SPSB1: variants seen among roughly 807,000 people sequenced by gnomAD.
The protein encoded by SPSB1 is splA/ryanodine receptor domain and SOCS box containing 1.
A neutral mutation model predicts 21.2 loss-of-function variants in SPSB1; 8 were observed. That is an observed-to-expected ratio of 0.38 (90% CI 0.22 to 0.68). SPSB1 has a LOEUF of 0.68. Ranked by LOEUF, SPSB1 falls within the 30% of genes least tolerant of loss-of-function variation. The probability of loss-of-function intolerance (pLI) is 0.53; values close to 1 mark genes in which losing one functional copy is unlikely to be tolerated. For missense variants in SPSB1, 242 were observed against 377.8 expected, an observed-to-expected ratio of 0.64 and a Z score of 2.98; for synonymous variants, 169 against 161.7, an observed-to-expected ratio of 1.05 and a Z score of -0.34.
intron 1 of SPSB1, among the ~76,000 whole-genome samples, chr1:9,327,306 A>C (rs1434699881): frequency 1.3e-5 from 2 of 152,256 alleles, no homozygotes; most frequent in African/African-American, 4.8e-5. Context: ...CTATCGATAC[A>C]GAAGCATGTG....
At chr1:9,311,953 G>A (rs971883315) in intron 1 of SPSB1, among the ~76,000 whole-genome samples, 2 of 152,032 alleles carry the variant, frequency 1.3e-5, no homozygotes, top group Non-Finnish European at 2.9e-5. Context: ...GCTAAGTATT[G>A]AGATACAGGA....
intron 2 of SPSB1, among the ~76,000 whole-genome samples, chr1:9,365,652 A>G (rs1005293781): frequency 3.3e-5 from 5 of 152,210 alleles, no homozygotes; most frequent in African/African-American, 7.2e-5. Context: ...CCATTCTGCC[A>G]TGCCCCACCC....
At chr1:9,318,388 C>A (rs1639648547) in intron 1 of SPSB1, among the ~76,000 whole-genome samples, 1 of 152,222 alleles carries the variant, frequency 6.6e-6, no homozygotes, top group Admixed American at 6.5e-5. Flanking sequence ...TCCAGGCTGC[C>A]TTGCGGACAG....
intron 1 of SPSB1, among the ~76,000 whole-genome samples, chr1:9,298,972 C>T (rs1046797569): frequency 2.0e-5 from 3 of 152,148 alleles, no homozygotes; most frequent in South Asian, 2.1e-4. Flanking sequence ...GTGGGGCTGC[C>T]GAGATTAGCA....
At chr1:9,331,388 T>C (rs1639917829) in intron 1 of SPSB1, among the ~76,000 whole-genome samples, 1 of 134,330 alleles carries the variant, frequency 7.4e-6, no homozygotes, top group Admixed American at 9.4e-5. Context: ...TGGAGTACAG[T>C]GGTACGATCT....
At chr1:9,299,296 A>G (rs1326410343) in intron 1 of SPSB1, among the ~76,000 whole-genome samples, 5 of 152,178 alleles carry the variant, frequency 3.3e-5, no homozygotes, top group South Asian at 4.1e-4. Context: ...CTCCAGCCCT[A>G]TGTCACAGTT....
Position 9,346,574 on chromosome 1 carries a change from G to T in SPSB1, c.-149-9169G>T, listed in dbSNP as rs146487525. 3.2e-3 allele frequency among the ~76,000 whole-genome samples: 494 copies of T among 152,348 alleles called. 4 individuals carry two copies. Among genetic ancestry groups the T allele is most frequent in the African/African-American group, 0.011 (449 of 41,576 alleles). On this transcript the variant is annotated intron_variant, in intron 1 of 2. Coordinates refer to ENST00000328089, the MANE Select transcript of SPSB1 (RefSeq NM_025106.4). The surrounding 1 kb of genome is among the most constrained non-coding windows in gnomAD (Gnocchi z 4.4). ...GAACAATTGATCTGAAAGCATTTTG[G>T]GGGAAGGTGGGGTCTGCAGGGTTGT...
At position 9,349,465 on chromosome 1, in the gene SPSB1, C is replaced by A. The variant is rs112581193; in HGVS notation, c.-149-6278C>A. ...TCCCAGCTGAGCTCAACCAGAGAGGCCAAGGGACGTGGAGCGTGAGAGGCT... is the reference window on the plus strand; with the variant it reads ...TCCCAGCTGAGCTCAACCAGAGAGGACAAGGGACGTGGAGCGTGAGAGGCT... On this transcript the variant is annotated intron_variant, in intron 1 of 2. Transcript: ENST00000328089. Among the ~76,000 whole-genome samples the A allele has an allele frequency of 2.9e-3, 445 of 152,362 alleles. 2 individuals are homozygous for A. The highest frequency in any genetic ancestry group is 0.01 in the African/African-American group (431 of 41,584).
Position 9,355,770 on chromosome 1 carries a change from G to A in SPSB1, c.-122G>A. On this transcript the variant is annotated 5_prime_UTR_variant, in exon 2 of 3. Transcript: ENST00000328089. Reference sequence around the variant, plus strand: ...AATACTGAACACTGCGCAGCTTGCAGAGGTCTCCTGGCAGCCCTCATTAGG... The same window carrying A: ...AATACTGAACACTGCGCAGCTTGCAAAGGTCTCCTGGCAGCCCTCATTAGG... 6.7e-7 allele frequency: 1 copy of A among 1,487,842 alleles called. No homozygotes were observed. The allele number at this position is 1,487,842 out of a possible 1,614,324, so 92.2% of individuals were successfully genotyped here.
intron 1 of SPSB1, among the ~76,000 whole-genome samples, chr1:9,308,560 C>T (rs1032630403): frequency 2.0e-5 from 3 of 152,202 alleles, no homozygotes; most frequent in Non-Finnish European, 2.9e-5. Flanking sequence ...TTTAGGGTGT[C>T]TCAGATCCCA....
chr1:9,325,624 C>A (rs551538560), intron 1 of SPSB1, among the ~76,000 whole-genome samples: 1 of 152,270 alleles, frequency 6.6e-6, no homozygotes, highest in Non-Finnish European at 1.5e-5. Flanking sequence ...CTGTGCCAGC[C>A]CCTGAGGCAC....
At chr1:9,336,927 C>G (rs1452522213) in intron 1 of SPSB1, among the ~76,000 whole-genome samples, 1 of 152,186 alleles carries the variant, frequency 6.6e-6, no homozygotes, top group Non-Finnish European at 1.5e-5. Flanking sequence ...ACCTCCCCTT[C>G]TGGTGCCTGC....
intron 1 of SPSB1, among the ~76,000 whole-genome samples, chr1:9,353,682 G>T (rs908926196): frequency 3.2e-4 from 49 of 152,186 alleles, no homozygotes; most frequent in African/African-American, 1.1e-3. Flanking sequence ...CACTTGGCAG[G>T]CCGAGGTGGG....
At chr1:9,295,120 G>T (rs914642444) in intron 1 of SPSB1, among the ~76,000 whole-genome samples, 2 of 152,144 alleles carry the variant, frequency 1.3e-5, no homozygotes, top group African/African-American at 4.8e-5. Context: ...GGCTGGATTA[G>T]ATCATTTAAA....
intron 1 of SPSB1, among the ~76,000 whole-genome samples, chr1:9,341,589 G>A (rs1335129720): frequency 1.3e-5 from 2 of 152,364 alleles, no homozygotes; most frequent in South Asian, 4.1e-4. Context: ...TTCTGCCGGT[G>A]ACATCTTGTC....
chr1:9,302,029 A>G (rs1420232434), intron 1 of SPSB1, among the ~76,000 whole-genome samples: 2 of 152,232 alleles, frequency 1.3e-5, no homozygotes, highest in Non-Finnish European at 2.9e-5. Context: ...CACTGCTTCC[A>G]GGGAGCTCAC....
chr1:9,335,729 G>C (rs956443967), intron 1 of SPSB1, among the ~76,000 whole-genome samples: 1 of 151,640 alleles, frequency 6.6e-6, no homozygotes, highest in African/African-American at 2.4e-5. Flanking sequence ...GAGCACTTGA[G>C]CCCAGAAGGT....
intron 1 of SPSB1, among the ~76,000 whole-genome samples, chr1:9,353,176 G>A (rs1465538626): frequency 2.0e-5 from 3 of 151,642 alleles, no homozygotes; most frequent in Non-Finnish European, 2.9e-5. Context: ...CTCTGACCTC[G>A]AGAGCCGCCT....
chr1:9,310,365 G>A (rs1015494559), intron 1 of SPSB1, among the ~76,000 whole-genome samples: 1 of 152,190 alleles, frequency 6.6e-6, no homozygotes, highest in Non-Finnish European at 1.5e-5. Flanking sequence ...GCGCCTTCCT[G>A]GATTTCTAAG....
Sources: gnomAD v4.1 joint callset for allele counts (sites outside exome capture counted in the v4.1 genomes callset) on GRCh38, gnomAD v4.1.1 for gene constraint, Gnocchi (gnomAD v3.1) non-coding constraint, MANE v1.5 for transcripts, NCBI Gene and HGNC (gene_info 2026-07-23, HGNC 2026-07-21) for gene names.